Variants in ABHD6 observed in about 807,000 individuals in gnomAD.
The protein encoded by ABHD6 is abhydrolase domain containing 6, acylglycerol lipase, also known as monoacylglycerol lipase ABHD6.
ABHD6 carries 33 observed loss-of-function variants against 38.8 expected under a neutral mutation model. The observed-to-expected ratio is 0.85, with a 90% confidence interval of 0.64 to 1.14. The LOEUF (loss-of-function observed/expected upper bound fraction) is 1.14. ABHD6 is among the 50% of genes most tolerant of loss of function. The pLI is 0.00. For missense variants in ABHD6, 380 were observed against 422.6 expected (o/e 0.90, Z 0.88); for synonymous variants, 147 against 161.6 (o/e 0.91, Z 0.69).
chr3:58,283,965 T>G (rs1290912994), intron 7 of ABHD6, among the ~76,000 whole-genome samples: 1 of 152,172 alleles, frequency 6.6e-6, no homozygotes, highest in Non-Finnish European at 1.5e-5. Context: ...GTTGGTTTAG[T>G]CCATAGCAGC....
rs1254703217 is a variant in ABHD6, at chr3:58,265,209, G to A, written c.120-1980G>A. ...CATAATGATCTCCAGTTCCATCCATGTTGGTGCACTATTCATATTTTTAAT... is the reference window on the plus strand; with the variant it reads ...CATAATGATCTCCAGTTCCATCCATATTGGTGCACTATTCATATTTTTAAT... On this transcript the variant is annotated intron_variant, in intron 3 of 9. Coordinates refer to ENST00000478253, the MANE Select transcript of ABHD6 (RefSeq NM_001320126.2). This position sits in a 1 kb window ranked among gnomAD's most constrained non-coding sequence, Gnocchi z 4.2. 6.6e-6 allele frequency among the ~76,000 whole-genome samples: 1 copy of A among 152,146 alleles called. No individual in the cohort carries two copies. The highest frequency in any genetic ancestry group is 6.5e-5 in the Admixed American group (1 of 15,276).
In ABHD6 at chr3:58,271,162, G is replaced by C; in HGVS notation, c.523+98G>C. The C allele has an allele frequency of 3.0e-6, 4 of 1,350,554 alleles. No homozygotes were observed. In the South Asian group the frequency reaches 6.4e-5, roughly 22 times the overall value. 83.7% of individuals were successfully genotyped at this position (1,350,554 alleles called of 1,614,324 possible). A position where few individuals can be genotyped will look rare whatever the true frequency, so the allele number is the denominator to read the frequency against. On this transcript the variant is annotated intron_variant, in intron 6 of 9. Coordinates refer to ENST00000478253, the MANE Select transcript of ABHD6 (RefSeq NM_001320126.2). ...GACCGTTTTTTGGAATCATCTTTTTGATGTATGCTTGAGAGATATGCAGTG... is the reference window on the plus strand; with the variant it reads ...GACCGTTTTTTGGAATCATCTTTTTCATGTATGCTTGAGAGATATGCAGTG...
chr3:58,256,627 G>T lies in ABHD6; in HGVS notation c.41G>T (p.Gly14Val). The T allele has an allele frequency of 6.8e-6, 11 of 1,613,932 alleles. 1 individual carries two copies. Among genetic ancestry groups the T allele is most frequent in the Non-Finnish European group, 9.3e-6 (11 of 1,179,982 alleles). ...GTTAACATGTTTGTGATTGCGGGCG[G>T]CACGCTGGCCATCCCAATCCTGGCA... The part of the protein sequence containing the change: ...DVVNMFVIAG[G>V]TLAIPILAFV... Residue 14 changes from glycine (G) to valine (V), a missense_variant, in exon 3 of 10, where the codon GGC becomes GTC. Transcript: ENST00000478253. This position sits in a 1 kb window ranked among gnomAD's most constrained non-coding sequence, Gnocchi z 4.3.
chr3:58,275,386 G>A (rs185097985), intron 7 of ABHD6, among the ~76,000 whole-genome samples: 5 of 145,264 alleles, frequency 3.4e-5, no homozygotes, highest in East Asian at 2.0e-4. Flanking sequence ...CTGGAGTGCA[G>A]TAGCATGATC....
chr3:58,267,124 C>T lies in ABHD6; in HGVS notation c.120-65C>T. ...AAGACTTATAGAGAGGACCTGTGCC[C>T]ATCTTGAAGCCACTCATCTAGAGCT... On this transcript the variant is annotated intron_variant, in intron 3 of 9. Coordinates refer to ENST00000478253, the MANE Select transcript of ABHD6 (RefSeq NM_001320126.2). This position sits in a 1 kb window ranked among gnomAD's most constrained non-coding sequence, Gnocchi z 4.3. 6.5e-7 allele frequency: 1 copy of T among 1,549,138 alleles called. No homozygotes were observed. Among genetic ancestry groups the T allele is most frequent in the Non-Finnish European group, 8.8e-7 (1 of 1,134,192 alleles).
intron 7 of ABHD6, among the ~76,000 whole-genome samples, chr3:58,276,732 G>C (rs1490330282): frequency 6.6e-6 from 1 of 152,154 alleles, no homozygotes; most frequent in Non-Finnish European, 1.5e-5. Context: ...TTCTTCTAGG[G>C]TTTTTATGGT....
At chr3:58,278,915 G>A (rs2097450835) in intron 7 of ABHD6, among the ~76,000 whole-genome samples, 1 of 152,214 alleles carries the variant, frequency 6.6e-6, no homozygotes, top group Non-Finnish European at 1.5e-5. Flanking sequence ...GCAATTTTGA[G>A]TGAGTTTCTT....
rs868700743 is a variant in ABHD6 at position 58,290,452 on chromosome 3, G to A, written c.838-3137G>A. On this transcript the variant is annotated intron_variant, in intron 9 of 9. Transcript: ENST00000478253. ...GCGCCCCTCACCTACCGGATGGGGC[G>A]GCTGGCCGGGCGGGGGGCTGACCCC... Among the ~76,000 whole-genome samples, 29 of 115,954 alleles carry A rather than the reference G, an allele frequency of 2.5e-4. 1 individual carries two copies. The highest frequency in any genetic ancestry group is 8.5e-4 in the African/African-American group (24 of 28,392). The allele number at this position is 115,954 out of a possible 152,430, so 76.1% of individuals were successfully genotyped here.
rs987040458 is a variant in ABHD6 at position 58,256,033 on chromosome 3, A to G, written c.-25-529A>G. 6.6e-6 allele frequency among the ~76,000 whole-genome samples: 1 copy of G among 151,534 alleles called. No homozygotes were observed. The highest frequency in any genetic ancestry group is 2.4e-5 in the African/African-American group (1 of 41,282). ...TCACCTGGATTCCCCAGTGGTTAGCATTTTACCATATTTGCTTTATTTCTC... is the reference window on the plus strand; with the variant it reads ...TCACCTGGATTCCCCAGTGGTTAGCGTTTTACCATATTTGCTTTATTTCTC... On this transcript the variant is annotated intron_variant, in intron 2 of 9. Transcript: ENST00000478253. The surrounding 1 kb of genome is among the most constrained non-coding windows in gnomAD (Gnocchi z 4.3).
chr3:58,271,766 G>GTTTTTTTTTTTTTTTTTT (rs3038091), intron 6 of ABHD6, among the ~76,000 whole-genome samples: 18 of 63,632 alleles, frequency 2.8e-4, no homozygotes, highest in African/African-American at 1.1e-3. Context: ...CCCTCTCTCT[G>GTTTTTTTTTTTTTTTTTT]TTTTTTTTTT....
chr3:58,275,081 C>G (rs1156516136), intron 7 of ABHD6, among the ~76,000 whole-genome samples: 2 of 152,280 alleles, frequency 1.3e-5, no homozygotes, highest in East Asian at 3.9e-4. Context: ...TACCAGTGGT[C>G]ATGAGTTTTA....
chr3:58,257,320 T>G lies in ABHD6; in HGVS notation c.119+615T>G, dbSNP rs952750611. Among the ~76,000 whole-genome samples the G allele has an allele frequency of 1.3e-5, 2 of 152,042 alleles. No homozygotes were observed. Among genetic ancestry groups the G allele is most frequent in the Non-Finnish European group, 2.9e-5 (2 of 68,002 alleles). ...AACTCCTTTGGTATCTTCTTGATCA[T>G]TGGTTGTTTTTGTTTGTTTGTTGGT... On this transcript the variant is annotated intron_variant, in intron 3 of 9. Coordinates refer to ENST00000478253, the MANE Select transcript of ABHD6 (RefSeq NM_001320126.2). The surrounding 1 kb of genome is among the most constrained non-coding windows in gnomAD (Gnocchi z 4.8).
intron 7 of ABHD6, among the ~76,000 whole-genome samples, chr3:58,276,350 A>T (rs1309329593): frequency 6.6e-6 from 1 of 152,072 alleles, no homozygotes; most frequent in East Asian, 1.9e-4. Context: ...TTTGATTTGC[A>T]TTTCTCTGAT....
At position 58,267,322 on chromosome 3, in the gene ABHD6, G is replaced by T. The variant is rs2107451218; in HGVS notation, c.253G>T (p.Asp85Tyr). ...GCTCCACGGATTCTCTGCCCACAAG[G>T]ATATGTGGCTCAGTGTGGTCAAGGT... ...LMLHGFSAHKDMWLSVVKFLP... is the reference protein window; with the variant it reads ...LMLHGFSAHKYMWLSVVKFLP... The change falls in exon 4 of 10, where the codon GAT becomes TAT. Residue 85 changes from aspartate to tyrosine, a missense_variant. Coordinates refer to ENST00000478253, the MANE Select transcript of ABHD6 (RefSeq NM_001320126.2). The surrounding 1 kb of genome is among the most constrained non-coding windows in gnomAD (Gnocchi z 4.3). 3.1e-6 allele frequency: 5 copies of T among 1,614,120 alleles called. No individual in the cohort carries two copies. Among genetic ancestry groups the T allele is most frequent in the Non-Finnish European group, 4.2e-6 (5 of 1,180,006 alleles).
intron 1 of ABHD6, among the ~76,000 whole-genome samples, chr3:58,248,595 G>A (rs892454547): frequency 2.6e-5 from 4 of 152,202 alleles, no homozygotes; most frequent in African/African-American, 7.2e-5. Flanking sequence ...CTACTCGGGA[G>A]GCTGAGGCAG....
chr3:58,255,122 T>C (rs980835793), intron 2 of ABHD6, among the ~76,000 whole-genome samples: 1 of 152,198 alleles, frequency 6.6e-6, no homozygotes, highest in African/African-American at 2.4e-5. Context: ...CCCAATGGTG[T>C]GTCAGGTCTT....
chr3:58,284,607 C>T (rs564791843), intron 7 of ABHD6, among the ~76,000 whole-genome samples: 1 of 152,152 alleles, frequency 6.6e-6, no homozygotes, highest in Non-Finnish European at 1.5e-5. Flanking sequence ...TGCACCATCA[C>T]ATCCTGCTAG....
Position 58,286,846 on chromosome 3 carries a change from G to GCATATATATATATATATA in ABHD6, c.837+1393_837+1394insCATATATATATATATATA, listed in dbSNP as rs1304640108. Among the ~76,000 whole-genome samples, 84 of 90,208 alleles carry GCATATATATATATATATA rather than the reference G, an allele frequency of 9.3e-4. 2 individuals are homozygous for GCATATATATATATATATA. Among genetic ancestry groups the GCATATATATATATATATA allele is most frequent in the Non-Finnish European group, 1.2e-3 (57 of 45,952 alleles). The allele number at this position is 90,208 out of a possible 152,430, so 59.2% of individuals were successfully genotyped here. ...TATGTGTGTGTGTGTGTGTGTGTGT[G>GCATATATATATATATATA]TGTGTGTATATATATATATATATGT... On this transcript the variant is annotated intron_variant, in intron 9 of 9. Transcript: ENST00000478253.
chr3:58,256,519 T>G lies in ABHD6; in HGVS notation c.-25-43T>G. The stretch of plus-strand genomic sequence containing the variant: ...CTTTACTTCTTCGCCTTTTTTCCTT[T>G]GATACAGAGTTTTAATATCGTCATT... On this transcript the variant is annotated intron_variant, in intron 2 of 9. Coordinates refer to ENST00000478253, the MANE Select transcript of ABHD6 (RefSeq NM_001320126.2). The surrounding 1 kb of genome is among the most constrained non-coding windows in gnomAD (Gnocchi z 4.3). 1 of 1,198,050 alleles carries G rather than the reference T, an allele frequency of 8.3e-7. No individual in the cohort carries two copies. The highest frequency in any genetic ancestry group is 1.2e-6 in the Non-Finnish European group (1 of 831,326). 74.2% of individuals were successfully genotyped at this position (1,198,050 alleles called of 1,614,324 possible).
Sources: allele counts gnomAD v4.1 joint callset (sites outside exome capture counted in the v4.1 genomes callset), GRCh38; gene constraint gnomAD v4.1.1; non-coding constraint Gnocchi (gnomAD v3.1); transcripts MANE v1.5; gene names NCBI Gene and HGNC (gene_info 2026-07-23, HGNC 2026-07-21).